Variants in BRINP3 observed in about 807,000 individuals in gnomAD.
BRINP3 encodes BMP/retinoic acid-inducible neural-specific protein 3.
Under a neutral mutation model 71.0 loss-of-function variants are expected in BRINP3, and 19 were observed. That is an observed-to-expected ratio of 0.27 (90% CI 0.19 to 0.39). BRINP3 has a LOEUF of 0.39. BRINP3 is among the 10% of genes least tolerant of loss of function. The pLI, the probability that BRINP3 is intolerant of heterozygous loss-of-function variation, is 1.00. For missense variants in BRINP3, 959 were observed against 940.8 expected (o/e 1.02, Z -0.25); for synonymous variants, 380 against 337.7 (o/e 1.13, Z -1.37).
At chr1:190,192,497 A>G (rs756821898) in intron 6 of BRINP3, among the ~76,000 whole-genome samples, 3 of 151,838 alleles carry the variant, frequency 2.0e-5, no homozygotes, top group Non-Finnish European at 4.4e-5. Flanking sequence ...AGCATGTGCC[A>G]ACATGTCCTG....
At chr1:190,406,688 G>A (rs1249536762) in intron 2 of BRINP3, among the ~76,000 whole-genome samples, 2 of 152,092 alleles carry the variant, frequency 1.3e-5, no homozygotes, top group Non-Finnish European at 2.9e-5. Context: ...AGCTAAAGAT[G>A]CTCTTGTCTA....
At chr1:190,419,479 C>T (rs1673220450) in intron 2 of BRINP3, among the ~76,000 whole-genome samples, 1 of 151,856 alleles carries the variant, frequency 6.6e-6, no homozygotes, top group Non-Finnish European at 1.5e-5. Context: ...TATACCTAAA[C>T]TTGGTTCTAA....
chr1:190,378,364 G>T (rs958127368), intron 2 of BRINP3, among the ~76,000 whole-genome samples: 5 of 152,064 alleles, frequency 3.3e-5, no homozygotes, highest in Non-Finnish European at 1.5e-5. Flanking sequence ...ACTTCATTTT[G>T]GAGCTACAGT....
intron 2 of BRINP3, among the ~76,000 whole-genome samples, chr1:190,381,730 C>T (rs944248049): frequency 6.6e-6 from 1 of 152,074 alleles, no homozygotes; most frequent in Non-Finnish European, 1.5e-5. Flanking sequence ...AATCCATCAG[C>T]TAATTCTCAT....
intron 2 of BRINP3, among the ~76,000 whole-genome samples, chr1:190,402,105 T>A (rs1285315452): frequency 6.6e-6 from 1 of 152,126 alleles, no homozygotes; most frequent in African/African-American, 2.4e-5. Flanking sequence ...AGAAGAATAA[T>A]CTTTTACTCT....
chr1:190,466,399 A>C (rs1170168164), intron 1 of BRINP3, among the ~76,000 whole-genome samples: 4 of 151,780 alleles, frequency 2.6e-5, no homozygotes, highest in Non-Finnish European at 5.9e-5. Flanking sequence ...TTTCTAGAGA[A>C]GCATAAATAA....
chr1:190,317,191 AAG>A (rs1289357419), intron 2 of BRINP3, among the ~76,000 whole-genome samples: 53 of 146,582 alleles, frequency 3.6e-4, no homozygotes, highest in African/African-American at 1.1e-3. Context: ...AAAAAAAAAA[AAG>A]TCTCTAAAAT....
chr1:190,223,242 A>G (rs1430929916), intron 6 of BRINP3, among the ~76,000 whole-genome samples: 1 of 152,020 alleles, frequency 6.6e-6, no homozygotes, highest in Non-Finnish European at 1.5e-5. Context: ...CTACAGATCA[A>G]TATCACTGAT....
In BRINP3 at chr1:190,228,905, A is replaced by G. The variant is rs576906068; in HGVS notation, c.725-2587T>C. ...CTTAACAAAGCTTAGTTTTGAGCCT[A>G]TGTGCTTCCTGTAAAAGCCAGGATG... On this transcript the variant is annotated intron_variant, in intron 5 of 7. Coordinates refer to ENST00000367462, the MANE Select transcript of BRINP3 (RefSeq NM_199051.3). 5.9e-5 allele frequency among the ~76,000 whole-genome samples: 9 copies of G among 152,144 alleles called. No homozygotes were observed. The East Asian group carries it at 1.7e-3, about 29-fold the overall frequency.
chr1:190,346,255 A>G (rs954621240), intron 2 of BRINP3, among the ~76,000 whole-genome samples: 1 of 152,070 alleles, frequency 6.6e-6, no homozygotes, highest in Non-Finnish European at 1.5e-5. Context: ...TTGCCAAAAT[A>G]TATAATCAAA....
intron 2 of BRINP3, among the ~76,000 whole-genome samples, chr1:190,301,722 T>G (rs1272824940): frequency 1.3e-5 from 2 of 151,914 alleles, no homozygotes; most frequent in Non-Finnish European, 2.9e-5. Flanking sequence ...CTGTGTTCAT[T>G]TAAAGGTAGA....
chr1:190,400,771 A>G (rs999254239), intron 2 of BRINP3, among the ~76,000 whole-genome samples: 7 of 152,340 alleles, frequency 4.6e-5, no homozygotes, highest in Admixed American at 2.0e-4. Context: ...TTTCATAAGT[A>G]AATACTGACT....
chr1:190,098,396 A>G lies in BRINP3; in HGVS notation c.1923T>C (p.Asn641=), dbSNP rs753553728. The change falls in exon 8 of 8, where the codon AAT becomes AAC. Residue 641 remains asparagine, a synonymous_variant. Transcript: ENST00000367462. Reference sequence around the variant, plus strand: ...CCAGAGGTTCATAGTAAATGCTCTCATTACCATTGGGACCATTGGACTTGA... The same window carrying G: ...CCAGAGGTTCATAGTAAATGCTCTCGTTACCATTGGGACCATTGGACTTGA... ...SRIKSNGPNG[N]ESIYYEPLEF... 3.7e-6 allele frequency: 6 copies of G among 1,613,686 alleles called. No individual in the cohort carries two copies. The Admixed American group carries it at 8.3e-5, about 22-fold the overall frequency.
intron 2 of BRINP3, among the ~76,000 whole-genome samples, chr1:190,297,803 T>TGTGC (rs761764306): frequency 2.2e-4 from 33 of 151,112 alleles, no homozygotes; most frequent in Admixed American, 4.0e-4. Context: ...TGTGTGTGTG[T>TGTGC]GCGTGTGTGT....
Position 190,358,139 on chromosome 1 carries a change from C to A in BRINP3, c.237-76389G>T, listed in dbSNP as rs539315238. On this transcript the variant is annotated intron_variant, in intron 2 of 7. Coordinates refer to ENST00000367462, the MANE Select transcript of BRINP3 (RefSeq NM_199051.3). The stretch of plus-strand genomic sequence containing the variant: ...TCTAAAACACCAAAAGCAATGGCAA[C>A]AAAAGACAAAATTGACAAATAGGAT... Among the ~76,000 whole-genome samples, 44 of 152,198 alleles carry A rather than the reference C, an allele frequency of 2.9e-4. No homozygotes were observed. The East Asian group carries it at 8.3e-3, about 29-fold the overall frequency.
chr1:190,375,937 A>G (rs1670156834), intron 2 of BRINP3, among the ~76,000 whole-genome samples: 2 of 151,986 alleles, frequency 1.3e-5, no homozygotes, highest in Non-Finnish European at 2.9e-5. Context: ...ATGAAAATGT[A>G]ATCTCCATCA....
intron 2 of BRINP3, among the ~76,000 whole-genome samples, chr1:190,377,096 A>T (rs1041250665): frequency 6.6e-6 from 1 of 151,922 alleles, no homozygotes. Context: ...ATTATTTTTA[A>T]TTTTCAATAT....
intron 6 of BRINP3, among the ~76,000 whole-genome samples, chr1:190,191,015 T>C (rs1420853574): frequency 6.6e-6 from 1 of 152,154 alleles, no homozygotes; most frequent in Non-Finnish European, 1.5e-5. Flanking sequence ...GATAGTTTTA[T>C]GGTCAATTGC....
intron 2 of BRINP3, among the ~76,000 whole-genome samples, chr1:190,295,812 C>T (rs1446218145): frequency 6.6e-6 from 1 of 152,134 alleles, no homozygotes; most frequent in East Asian, 1.9e-4. Flanking sequence ...CACTGCTCTC[C>T]CTGGTATCAA....
Sources: gnomAD v4.1 joint callset for allele counts (sites outside exome capture counted in the v4.1 genomes callset) on GRCh38, gnomAD v4.1.1 for gene constraint, MANE v1.5 for transcripts, NCBI Gene and HGNC (gene_info 2026-07-23, HGNC 2026-07-21) for gene names.